ZFHX2: variants seen among roughly 807,000 people sequenced by gnomAD.
The protein encoded by ZFHX2 is zinc finger homeobox 2, also known as zinc finger homeobox protein 2.
Under a neutral mutation model 164.8 loss-of-function variants are expected in ZFHX2, and 75 were observed. The observed-to-expected ratio is 0.46, with a 90% CI of 0.38 to 0.55. The LOEUF (loss-of-function observed/expected upper bound fraction) is 0.55. ZFHX2 is among the 20% of genes least tolerant of loss of function. ZFHX2 has a pLI of 0.00. For missense variants in ZFHX2, 2,933 were observed against 3,308.0 expected, an observed-to-expected ratio of 0.89 and a Z score of 2.78; for synonymous variants, 1,217 against 1,351.4, an observed-to-expected ratio of 0.90 and a Z score of 2.18.
intron 3 of ZFHX2, 79 bp downstream of exon 3, chr14:23,532,488 C>G (rs1879692211): frequency 7.2e-7 from 1 of 1,391,894 alleles, no homozygotes; most frequent in Non-Finnish European, 9.3e-7. Flanking sequence ...GTTTTCCTAT[C>G]ACTTTCTTAT....
chr14:23,546,071 T>C lies in ZFHX2; in HGVS notation c.-50+5272A>G, dbSNP rs879543430. 6.6e-6 allele frequency among the ~76,000 whole-genome samples: 1 copy of C among 152,184 alleles called. No individual in the cohort carries two copies. Among genetic ancestry groups the C allele is most frequent in the Non-Finnish European group, 1.5e-5 (1 of 68,036 alleles). On this transcript the variant is annotated intron_variant, in intron 1 of 9. Transcript: ENST00000419474. The surrounding 1 kb of genome is among the most constrained non-coding windows in gnomAD (Gnocchi z 4.7). ...GGAGGAGGCACTAGGGAAATGTGCA[T>C]ACATGAAGTTAAATTCCTGCCTACA... is the stretch of plus-strand genomic sequence containing the variant.
rs951463355 is a variant in ZFHX2 at position 23,522,321 on chromosome 14, G to A, written c.7360C>T (p.Arg2454Cys). Reference sequence around the variant, plus strand: ...CCGTCAAATGCCATCTTGCACTGGCGGCACAGGTAGCGATGGGTTACATCC... The same window carrying A: ...CCGTCAAATGCCATCTTGCACTGGCAGCACAGGTAGCGATGGGTTACATCC... ...TVDVTHRYLC[R>C]QCKMAFDGEA... Residue 2454 changes from arginine to cysteine, a missense_variant, in exon 10 of 10, where the codon CGC (arginine) becomes TGC (cysteine). Coordinates refer to ENST00000419474, the MANE Select transcript of ZFHX2 (RefSeq NM_033400.3). The A allele has an allele frequency of 1.5e-5, 23 of 1,528,136 alleles. No homozygotes were observed. The East Asian group carries it at 2.2e-4, about 15-fold the overall frequency. The allele number at this position is 1,528,136 out of a possible 1,614,324, so 94.7% of individuals were successfully genotyped here.
Position 23,535,937 on chromosome 14 carries a change from C to T in ZFHX2, c.-49-563G>A, listed in dbSNP as rs1880093666. Among the ~76,000 whole-genome samples the T allele has an allele frequency of 1.3e-5, 2 of 152,186 alleles. No homozygotes were observed. The highest frequency in any genetic ancestry group is 4.8e-5 in the African/African-American group (2 of 41,446). On this transcript the variant is annotated intron_variant, in intron 1 of 9. Transcript: ENST00000419474. This position sits in a 1 kb window ranked among gnomAD's most constrained non-coding sequence, Gnocchi z 4.5. ...CTGAACCTGCTCCTCCCCATCTTTC[C>T]TATCTCCAAAGTTGGTACCAACATT... is the stretch of plus-strand genomic sequence containing the variant.
Position 23,522,809 on chromosome 14 carries a change from G to C in ZFHX2, c.6872C>G (p.Ala2291Gly). 1 of 1,536,120 alleles carries C rather than the reference G, an allele frequency of 6.5e-7. No individual in the cohort carries two copies. Among genetic ancestry groups the C allele is most frequent in the East Asian group, 2.4e-5 (1 of 40,898 alleles). The change falls in exon 10 of 10, where the codon GCA becomes GGA. Residue 2291 changes from alanine to glycine, a missense_variant. By Grantham distance (60) the Ala-to-Gly change is moderately conservative. Coordinates refer to ENST00000419474, the MANE Select transcript of ZFHX2 (RefSeq NM_033400.3). Reference protein sequence around the residue: ...PMPDQTNTSTAGTTDPVPGPP... With the variant: ...PMPDQTNTSTGGTTDPVPGPP... ...GCCTGGGACAGGGTCAGTGGTGCCT[G>C]CTGTGGAGGTGTTGGTTTGGTCGGG...
At position 23,524,260 on chromosome 14, in the gene ZFHX2, C is replaced by T. The variant is rs1396221735; in HGVS notation, c.5682G>A (p.Val1894=). ...RKMLDCISEE[V]GLKKRVVQVW... ...CCTGTACCACTCGCTTTTTGAGCCC[C>T]ACCTCCTCGGAGATGCAGTCGAGCA... The change falls in exon 9 of 10, where the codon GTG becomes GTA. Residue 1894 remains valine (V), a synonymous_variant. Transcript: ENST00000419474. This position sits in a 1 kb window ranked among gnomAD's most constrained non-coding sequence, Gnocchi z 5.6. 6.5e-7 allele frequency: 1 copy of T among 1,536,384 alleles called. No individual in the cohort carries two copies. Among genetic ancestry groups the T allele is most frequent in the Admixed American group, 2.0e-5 (1 of 51,004 alleles).
Position 23,526,763 on chromosome 14 carries a change from T to C in ZFHX2, c.3262+84A>G, listed in dbSNP as rs943457763. The stretch of plus-strand genomic sequence containing the variant: ...CCACTCAATACCAAGGCAGTTGACC[T>C]TGGCCTCAGTCATCTTCAGACCTTG... On this transcript the variant is annotated intron_variant, in intron 8 of 9. Transcript: ENST00000419474. The C allele has an allele frequency of 7.8e-6, 12 of 1,530,356 alleles. No individual in the cohort carries two copies. In the Admixed American group the frequency reaches 2.0e-4, roughly 25 times the overall value. The allele number at this position is 1,530,356 out of a possible 1,614,324, so 94.8% of individuals were successfully genotyped here.
rs1238085342 is a variant in ZFHX2, at chr14:23,534,050, T to C, written c.1276A>G (p.Thr426Ala). 5 of 1,531,988 alleles carry C rather than the reference T, an allele frequency of 3.3e-6. No homozygotes were observed. In the Admixed American group the frequency reaches 5.9e-5, roughly 18 times the overall value. The allele number at this position is 1,531,988 out of a possible 1,614,324, so 94.9% of individuals were successfully genotyped here. A position where few individuals can be genotyped will look rare whatever the true frequency, so the allele number is the denominator to read the frequency against. ...CCCTGGAAGGCTGCAGGGGCTGGGG[T>C]GTAGTCATCAGCTAGGCGATAGGGC... ...PQPYRLADDY[T>A]PAPAAFQGLS... The change falls in exon 2 of 10, where the codon ACC becomes GCC. Residue 426 changes from threonine to alanine, a missense_variant. Coordinates refer to ENST00000419474, the MANE Select transcript of ZFHX2 (RefSeq NM_033400.3). The surrounding 1 kb of genome is among the most constrained non-coding windows in gnomAD (Gnocchi z 4.5).
chr14:23,530,868 C>T (rs1159781604), intron 4 of ZFHX2: 7 of 219,874 alleles, frequency 3.2e-5, no homozygotes, highest in Admixed American at 1.1e-4. Context: ...CTGCAAAGCC[C>T]GACGCCCATG....
rs2138786448 is a variant in ZFHX2, at chr14:23,533,679, TGG to T, written c.1645_1646del (p.Pro549ThrfsTer15). ...CGGAGGGTGGGAGTGATGCCTCTGGTGGACTTCCCTGCCCACCAGGGCCCGCC... is the reference window on the plus strand; with the variant it reads ...CGGAGGGTGGGAGTGATGCCTCTGGTACTTCCCTGCCCACCAGGGCCCGCC... ...FQAGPGGQGS[P>X]PEASLPPSAG... On this transcript the variant is annotated frameshift_variant, in exon 2 of 10. Coordinates refer to ENST00000419474, the MANE Select transcript of ZFHX2 (RefSeq NM_033400.3). LOFTEE classifies it high-confidence loss of function. The surrounding 1 kb of genome is among the most constrained non-coding windows in gnomAD (Gnocchi z 4.8). 1.3e-6 allele frequency: 2 copies of T among 1,538,238 alleles called. No homozygotes were observed. Among genetic ancestry groups the T allele is most frequent in the Non-Finnish European group, 8.7e-7 (1 of 1,147,832 alleles).
Position 23,532,595 on chromosome 14 carries a change from G to A in ZFHX2, c.2531C>T (p.Ala844Val), listed in dbSNP as rs771496347. Reference protein sequence around the residue: ...EKMQLHARGAAHEENSQIYKF... With the variant: ...EKMQLHARGAVHEENSQIYKF... Reference sequence around the variant, plus strand: ...ATAGATTTGGCTGTTTTCTTCGTGGGCTGCACCCCTGGCATGCAGCTGCAT... The same window carrying A: ...ATAGATTTGGCTGTTTTCTTCGTGGACTGCACCCCTGGCATGCAGCTGCAT... Residue 844 changes from alanine (A) to valine (V), a missense_variant, in exon 3 of 10, where the codon GCC becomes GTC. Ala to Val is a moderately conservative substitution (Grantham distance 64). Coordinates refer to ENST00000419474, the MANE Select transcript of ZFHX2 (RefSeq NM_033400.3). The A allele has an allele frequency of 2.1e-6, 3 of 1,446,452 alleles. No homozygotes were observed. The Admixed American group carries it at 8.0e-5, about 39-fold the overall frequency. The allele number at this position is 1,446,452 out of a possible 1,614,324, so 89.6% of individuals were successfully genotyped here.
Position 23,526,968 on chromosome 14 carries a change from T to G in ZFHX2, c.3141A>C (p.Thr1047=). The change falls in exon 8 of 10, where the codon ACA becomes ACC. Residue 1047 remains threonine, a synonymous_variant. Coordinates refer to ENST00000419474, the MANE Select transcript of ZFHX2 (RefSeq NM_033400.3). ...ECVEKLLLVA[T]TVEMTFTTKV... ...TGGTTGTAAATGTCATTTCTACAGT[T>G]GTAGCCTGCAATGAGAAAAAGCCTA... is the stretch of plus-strand genomic sequence containing the variant. 1.3e-6 allele frequency: 2 copies of G among 1,514,000 alleles called. No homozygotes were observed. Among genetic ancestry groups the G allele is most frequent in the Non-Finnish European group, 1.8e-6 (2 of 1,137,258 alleles). 93.8% of individuals were successfully genotyped at this position (1,514,000 alleles called of 1,614,324 possible). A position where few individuals can be genotyped will look rare whatever the true frequency, so the allele number is the denominator to read the frequency against.
In ZFHX2 at chr14:23,531,476, C is replaced by G; in HGVS notation, c.2800+5G>C. ...GCTCTTATTCTCCAGTCCCTTCTTC[C>G]TCACCGGGAGTCCGGAGCTGCCCGT... On this transcript the variant is annotated splice_donor_5th_base_variant and intron_variant, in intron 4 of 9. Coordinates refer to ENST00000419474, the MANE Select transcript of ZFHX2 (RefSeq NM_033400.3). 7.1e-7 allele frequency: 1 copy of G among 1,400,712 alleles called. No homozygotes were observed. Among genetic ancestry groups the G allele is most frequent in the Non-Finnish European group, 9.3e-7 (1 of 1,070,770 alleles). The allele number at this position is 1,400,712 out of a possible 1,614,324, so 86.8% of individuals were successfully genotyped here.
chr14:23,536,930 G>C (rs896356048), intron 1 of ZFHX2, among the ~76,000 whole-genome samples: 1 of 151,976 alleles, frequency 6.6e-6, no homozygotes, highest in Non-Finnish European at 1.5e-5. Flanking sequence ...CTGAGGTCAG[G>C]AGTTTGAGAC....
At chr14:23,540,838 G>T (rs1030564575) in intron 1 of ZFHX2, among the ~76,000 whole-genome samples, 1 of 152,114 alleles carries the variant, frequency 6.6e-6, no homozygotes, top group Non-Finnish European at 1.5e-5. Flanking sequence ...CCTGTCTCCC[G>T]TCACAGAGTG....
At chr14:23,527,046 C>T (rs1018930473) in intron 7 of ZFHX2, 73 bp from the exon 8 acceptor site, 1 of 1,427,410 alleles carries the variant, frequency 7.0e-7, no homozygotes, top group Non-Finnish European at 9.1e-7. Context: ...ACCCATCTGC[C>T]CTACACCTGT....
chr14:23,534,885 C>T lies in ZFHX2; in HGVS notation c.441G>A (p.Ala147=), dbSNP rs745996981. 28 of 1,535,944 alleles carry T rather than the reference C, an allele frequency of 1.8e-5. No individual in the cohort carries two copies. In the African/African-American group the frequency reaches 2.5e-4, roughly 14 times the overall value. Residue 147 remains alanine, a synonymous_variant, in exon 2 of 10, where the codon GCG becomes GCA. Transcript: ENST00000419474. The surrounding 1 kb of genome is among the most constrained non-coding windows in gnomAD (Gnocchi z 4.5). ...LLPKGFPWGE[A]GIKEEPSLPF... The stretch of plus-strand genomic sequence containing the variant: ...GCAGACTGGGCTCTTCCTTGATGCC[C>T]GCCTCACCCCAGGGGAAGCCCTTTG...
Position 23,524,008 on chromosome 14 carries a change from C to T in ZFHX2, c.5934G>A (p.Gln1978=). The T allele has an allele frequency of 6.6e-7, 1 of 1,520,272 alleles. No homozygotes were observed. The highest frequency in any genetic ancestry group is 8.8e-7 in the Non-Finnish European group (1 of 1,138,048). 94.2% of individuals were successfully genotyped at this position (1,520,272 alleles called of 1,614,324 possible). The change falls in exon 9 of 10, where the codon CAG becomes CAA. Residue 1978 remains glutamine, a synonymous_variant. Coordinates refer to ENST00000419474, the MANE Select transcript of ZFHX2 (RefSeq NM_033400.3). The surrounding 1 kb of genome is among the most constrained non-coding windows in gnomAD (Gnocchi z 5.6). ...CCTCTTTCCCAGGTGGTAGGAAAGG[C>T]TGGGGCCCAGAAGCAAGCGTGGCAG... is the stretch of plus-strand genomic sequence containing the variant. The part of the protein sequence containing the change: ...YPTATLASGP[Q]PFLPPGKEAT...
Position 23,524,330 on chromosome 14 carries a change from A to T in ZFHX2, c.5612T>A (p.Ile1871Asn), listed in dbSNP as rs772519613. The change falls in exon 9 of 10, where the codon ATC becomes AAC. Residue 1871 changes from isoleucine (I) to asparagine (N), a missense_variant. Coordinates refer to ENST00000419474, the MANE Select transcript of ZFHX2 (RefSeq NM_033400.3). This position sits in a 1 kb window ranked among gnomAD's most constrained non-coding sequence, Gnocchi z 5.6. ...RTTILPEQLE[I>N]LYRWYMQDSN... The stretch of plus-strand genomic sequence containing the variant: ...ATCCTGCATGTACCAACGGTACAGG[A>T]TCTCTAGCTGCTCAGGCAAGATGGT... The T allele has an allele frequency of 1.6e-5, 25 of 1,536,268 alleles. No individual in the cohort carries two copies. The East Asian group carries it at 5.6e-4, about 35-fold the overall frequency.
rs1051983894 is a variant in ZFHX2 at position 23,522,408 on chromosome 14, C to G, written c.7273G>C (p.Gly2425Arg). Residue 2425 changes from glycine (G) to arginine (R), a missense_variant, in exon 10 of 10, where the codon GGG becomes CGG. Physicochemically the swap from Gly to Arg is moderately radical, Grantham distance 125. Coordinates refer to ENST00000419474, the MANE Select transcript of ZFHX2 (RefSeq NM_033400.3). ...TCAACCTCACCAGCTTCCCCCTCCCCTGGAGCAGGCAGTTCAGGAGGCTTT... is the reference window on the plus strand; with the variant it reads ...TCAACCTCACCAGCTTCCCCCTCCCGTGGAGCAGGCAGTTCAGGAGGCTTT... Reference protein sequence around the residue: ...PPKPPELPAPGEGEAGEVDEL... With the variant: ...PPKPPELPAPREGEAGEVDEL... 18 of 1,536,402 alleles carry G rather than the reference C, an allele frequency of 1.2e-5. No homozygotes were observed. The African/African-American group carries it at 2.1e-4, about 17-fold the overall frequency.
Sources: allele counts gnomAD v4.1 joint callset (sites outside exome capture counted in the v4.1 genomes callset), GRCh38; gene constraint gnomAD v4.1.1; non-coding constraint Gnocchi (gnomAD v3.1); transcripts MANE v1.5; gene names NCBI Gene and HGNC (gene_info 2026-07-23, HGNC 2026-07-21).